Variants in SSH3 observed in about 807,000 individuals in gnomAD.
SSH3 encodes the protein slingshot protein phosphatase 3.
A neutral mutation model predicts 75.0 loss-of-function variants in SSH3; 67 were observed. That is an observed-to-expected ratio of 0.89 (90% CI 0.73 to 1.10). SSH3 has a LOEUF of 1.10. Ranked by LOEUF, SSH3 falls within the 50% of genes least tolerant of loss-of-function variation. The pLI is 0.00. For synonymous variants in SSH3, 318 were observed against 349.2 expected (o/e 0.91, Z 1.00); for missense variants, 824 against 872.7 (o/e 0.94, Z 0.70).
At position 67,308,340 on chromosome 11, in the gene SSH3, G is replaced by T. The variant is rs751781175; in HGVS notation, c.1014+38G>T. 6.2e-7 allele frequency: 1 copy of T among 1,613,600 alleles called. No homozygotes were observed. The highest frequency in any genetic ancestry group is 8.5e-7 in the Non-Finnish European group (1 of 1,179,562). ...CAGGCCTGGGCCATGGGGACCGCTG[G>T]CAGCTGTGAGGGCGGCAGGCCAGGA... is the stretch of plus-strand genomic sequence containing the variant. On this transcript the variant is annotated intron_variant, in intron 9 of 13. Transcript: ENST00000308127. The surrounding 1 kb of genome is among the most constrained non-coding windows in gnomAD (Gnocchi z 4.9).
In SSH3 at chr11:67,307,585, A is replaced by G. The variant is rs757183733; in HGVS notation, c.639A>G (p.Ala213=). 2.5e-6 allele frequency: 4 copies of G among 1,612,636 alleles called. No individual in the cohort carries two copies. In the East Asian group the frequency reaches 6.7e-5, roughly 27 times the overall value. Residue 213 remains alanine, a synonymous_variant, in exon 7 of 14, where the codon GCA becomes GCG. Coordinates refer to ENST00000308127, the MANE Select transcript of SSH3 (RefSeq NM_017857.4). This position sits in a 1 kb window ranked among gnomAD's most constrained non-coding sequence, Gnocchi z 4.2. The part of the protein sequence containing the change: ...TLQVLHQACE[A]ALGSGLVPGG... ...AGGTATTGCACCAAGCATGTGAGGC[A>G]GCTCTAGGCAGCGGCCTTGTACCGG...
Position 67,308,652 on chromosome 11 carries a change from G to A in SSH3, c.1061+194G>A, listed in dbSNP as rs981547353. Among the ~76,000 whole-genome samples, 1 of 151,862 alleles carries A rather than the reference G, an allele frequency of 6.6e-6. No homozygotes were observed. Among genetic ancestry groups the A allele is most frequent in the Non-Finnish European group, 1.5e-5 (1 of 67,954 alleles). Reference sequence around the variant, plus strand: ...ACAGGAGACCTGCTGGCCAGCCCCCGCCCACTCTCCTCCCCCATCCACACT... The same window carrying A: ...ACAGGAGACCTGCTGGCCAGCCCCCACCCACTCTCCTCCCCCATCCACACT... On this transcript the variant is annotated intron_variant, in intron 10 of 13. Transcript: ENST00000308127. The surrounding 1 kb of genome is among the most constrained non-coding windows in gnomAD (Gnocchi z 4.9).
chr11:67,310,389 G>C, intron 13 of SSH3, 50 bp downstream of exon 13: 1 of 1,555,592 alleles, frequency 6.4e-7, no homozygotes, highest in Non-Finnish European at 8.7e-7. Context: ...GGGCCATAAG[G>C]AGGGAGATGG....
chr11:67,307,070 T>A lies in SSH3; in HGVS notation c.493T>A (p.Leu165Met). 6.2e-7 allele frequency: 1 copy of A among 1,614,088 alleles called. No homozygotes were observed. Among genetic ancestry groups the A allele is most frequent in the Non-Finnish European group, 8.5e-7 (1 of 1,180,004 alleles). Residue 165 changes from leucine (L) to methionine (M), a missense_variant, in exon 5 of 14, where the codon TTG becomes ATG. Leu to Met is a conservative substitution (Grantham distance 15). Transcript: ENST00000308127. This position sits in a 1 kb window ranked among gnomAD's most constrained non-coding sequence, Gnocchi z 4.2. ...CCCCAGCTGCACCCTGGGCCTGGTC[T>A]TGCCCCTCTGGAGTGACACCCAGGT... ...SSPSCTLGLV[L>M]PLWSDTQVYL... is the part of the protein sequence containing the mutation.
Position 67,311,821 on chromosome 11 carries a change from G to A in SSH3, c.1914G>A (p.Thr638=), listed in dbSNP as rs748747715. The A allele has an allele frequency of 1.6e-5, 26 of 1,613,078 alleles. No individual in the cohort carries two copies. The highest frequency in any genetic ancestry group is 2.7e-5 in the African/African-American group (2 of 74,904). Residue 638 remains threonine (T), a synonymous_variant, in exon 14 of 14, where the codon ACG becomes ACA. Coordinates refer to ENST00000308127, the MANE Select transcript of SSH3 (RefSeq NM_017857.4). ...AGGGAGAGCCCTGCATTTCCTCTACGCCCAGGTTCCGGAAGGTGGTGAGAC... is the reference window on the plus strand; with the variant it reads ...AGGGAGAGCCCTGCATTTCCTCTACACCCAGGTTCCGGAAGGTGGTGAGAC... ...QGQGEPCISS[T]PRFRKVVRQA...
chr11:67,310,498 G>T (rs1013259685), intron 13 of SSH3, among the ~76,000 whole-genome samples, 159 bp downstream of exon 13: 2 of 152,334 alleles, frequency 1.3e-5, no homozygotes, highest in East Asian at 1.9e-4. Flanking sequence ...GACCCAGGGG[G>T]CCTGGTCCCA....
intron 3 of SSH3, 99 bp from the exon 4 acceptor site, chr11:67,306,739 G>C: frequency 7.4e-7 from 1 of 1,352,650 alleles, no homozygotes; most frequent in South Asian, 1.5e-5. Context: ...GGATGGGAGA[G>C]GAAGGAGCAG....
chr11:67,309,437 T>C lies in SSH3; in HGVS notation c.1102T>C (p.Phe368Leu). 2 of 1,614,134 alleles carry C rather than the reference T, an allele frequency of 1.2e-6. No homozygotes were observed. The highest frequency in any genetic ancestry group is 1.7e-6 in the Non-Finnish European group (2 of 1,180,008). ...ILNMAREIDN[F>L]YPERFTYHNV... ...GAACATGGCCCGGGAGATTGACAAC[T>C]TCTACCCTGAGCGCTTCACCTACCA... Residue 368 changes from phenylalanine to leucine, a missense_variant, in exon 11 of 14, where the codon TTC (phenylalanine) becomes CTC (leucine). Phe to Leu is a conservative substitution (Grantham distance 22). Coordinates refer to ENST00000308127, the MANE Select transcript of SSH3 (RefSeq NM_017857.4).
intron 10 of SSH3, 126 bp from the exon 11 acceptor site, chr11:67,309,271 G>A: frequency 8.1e-7 from 1 of 1,227,236 alleles, no homozygotes; most frequent in Admixed American, 2.1e-5. Flanking sequence ...TCCTCCCACT[G>A]TCACTGCTGC....
chr11:67,309,675 CAGTT>C (rs768923683), intron 11 of SSH3, 89 bp from the exon 12 acceptor site: 59 of 1,583,826 alleles, frequency 3.7e-5, no homozygotes, highest in African/African-American at 2.5e-4. Context: ...TCTCTACTCT[CAGTT>C]GGTTGTGAGC....
Position 67,307,047 on chromosome 11 carries a change from C to A in SSH3, c.470C>A (p.Pro157His), listed in dbSNP as rs745967318. 6.2e-7 allele frequency: 1 copy of A among 1,614,032 alleles called. No homozygotes were observed. Among genetic ancestry groups the A allele is most frequent in the African/African-American group, 1.3e-5 (1 of 75,012 alleles). Residue 157 changes from proline (P) to histidine (H), a missense_variant, in exon 5 of 14, where the codon CCC becomes CAC. Coordinates refer to ENST00000308127, the MANE Select transcript of SSH3 (RefSeq NM_017857.4). This position sits in a 1 kb window ranked among gnomAD's most constrained non-coding sequence, Gnocchi z 4.2. ...LGVDFPDSSS[P>H]SCTLGLVLPL... ...TTCCCTCTGTCCCCTGCCAGCTCCC[C>A]CAGCTGCACCCTGGGCCTGGTCTTG...
rs778087544 is a variant in SSH3 at position 67,306,929 on chromosome 11, C to T, written c.431C>T (p.Thr144Met). ...GGAGAAGGTCTGAGCCAGGATGAGA[C>T]GGTCCTCCTGGGCGTGGATTTCCCT... ...REGEGLSQDE[T>M]VLLGVDFPDS... is the part of the protein sequence containing the mutation. Residue 144 changes from threonine (T) to methionine (M), a missense_variant, in exon 4 of 14, where the codon ACG (threonine) becomes ATG (methionine). Coordinates refer to ENST00000308127, the MANE Select transcript of SSH3 (RefSeq NM_017857.4). The T allele has an allele frequency of 2.4e-5, 38 of 1,613,456 alleles. No homozygotes were observed. The highest frequency in any genetic ancestry group is 2.3e-5 in the Non-Finnish European group (27 of 1,179,540).
chr11:67,305,194 GT>G lies in SSH3; in HGVS notation c.339+197del, dbSNP rs1235315912. Among the ~76,000 whole-genome samples, 21 of 149,238 alleles carry G rather than the reference GT, an allele frequency of 1.4e-4. No individual in the cohort carries two copies. In the East Asian group the frequency reaches 3.9e-3, roughly 28 times the overall value. On this transcript the variant is annotated intron_variant, in intron 3 of 13. Transcript: ENST00000308127. ...GGCAGAGATGTTTTGTTTTTTGTTTGTTTTTTTTTTGAGATGGAGTCTCGCT... is the reference window on the plus strand; with the variant it reads ...GGCAGAGATGTTTTGTTTTTTGTTTGTTTTTTTTTGAGATGGAGTCTCGCT...
Position 67,304,761 on chromosome 11 carries a change from C to T in SSH3, c.105-12C>T, listed in dbSNP as rs1294792428. 1 of 1,588,086 alleles carries T rather than the reference C, an allele frequency of 6.3e-7. No individual in the cohort carries two copies. The highest frequency in any genetic ancestry group is 8.6e-7 in the Non-Finnish European group (1 of 1,167,902). ...AATGAGGAGCCATGACAGTTGCCCA[C>T]TGCCCTGCCAGGCAGAGCTTTGCGG... On this transcript the variant is annotated splice_polypyrimidine_tract_variant and intron_variant, in intron 2 of 13. Transcript: ENST00000308127.
In SSH3 at chr11:67,306,830, C is replaced by T. The variant is rs760608191; in HGVS notation, c.340-8C>T. ...CACTGTGACCCTGGGTTCCTCATCT[C>T]CCCCCAGGCAGCCCAGCTGGAGGCA... is the stretch of plus-strand genomic sequence containing the variant. On this transcript the variant is annotated splice_polypyrimidine_tract_variant and splice_region_variant and intron_variant, in intron 3 of 13. Transcript: ENST00000308127. 5.0e-6 allele frequency: 8 copies of T among 1,605,718 alleles called. No homozygotes were observed. The East Asian group carries it at 6.7e-5, about 13-fold the overall frequency.
Position 67,308,717 on chromosome 11 carries a change from A to G in SSH3, c.1061+259A>G, listed in dbSNP as rs939777683. On this transcript the variant is annotated intron_variant, in intron 10 of 13. Coordinates refer to ENST00000308127, the MANE Select transcript of SSH3 (RefSeq NM_017857.4). The surrounding 1 kb of genome is among the most constrained non-coding windows in gnomAD (Gnocchi z 4.9). The stretch of plus-strand genomic sequence containing the variant: ...GAAACAAAGGGCCTCAGCCACGCCA[A>G]GACGAGAAGCAGCAGCGCATACTGC... Among the ~76,000 whole-genome samples the G allele has an allele frequency of 6.6e-6, 1 of 151,978 alleles. No homozygotes were observed. The highest frequency in any genetic ancestry group is 1.5e-5 in the Non-Finnish European group (1 of 67,996).
chr11:67,303,642 T>C lies in SSH3; in HGVS notation c.17T>C (p.Val6Ala). The C allele has an allele frequency of 6.6e-7, 1 of 1,514,988 alleles. No homozygotes were observed. The allele number at this position is 1,514,988 out of a possible 1,614,324, so 93.8% of individuals were successfully genotyped here. MALVT[V>A]SRSPPGSGAS... is the part of the protein sequence containing the mutation. Reference sequence around the variant, plus strand: ...CCTGGCTCCATGGCCCTGGTCACAGTGAGCCGTTCGCCCCCGGGCAGCGGC... The same window carrying C: ...CCTGGCTCCATGGCCCTGGTCACAGCGAGCCGTTCGCCCCCGGGCAGCGGC... Residue 6 changes from valine (V) to alanine (A), a missense_variant, in exon 1 of 14, where the codon GTG (valine) becomes GCG (alanine). Val to Ala is a moderately conservative substitution (Grantham distance 64). Coordinates refer to ENST00000308127, the MANE Select transcript of SSH3 (RefSeq NM_017857.4).
At position 67,309,835 on chromosome 11, in the gene SSH3, G is replaced by C. The variant is rs1421395543; in HGVS notation, c.1276G>C (p.Ala426Pro). 2 of 1,613,308 alleles carry C rather than the reference G, an allele frequency of 1.2e-6. No individual in the cohort carries two copies. The highest frequency in any genetic ancestry group is 1.7e-6 in the Non-Finnish European group (2 of 1,180,056). The change falls in exon 12 of 14, where the codon GCC (alanine) becomes CCC (proline). Residue 426 changes from alanine to proline, a missense_variant. Transcript: ENST00000308127. Reference sequence around the variant, plus strand: ...CAGCCGCTCAGCGGCCACAGTGCTGGCCTATGCCATGAAGCAGTACGAATG... The same window carrying C: ...CAGCCGCTCAGCGGCCACAGTGCTGCCCTATGCCATGAAGCAGTACGAATG... Reference protein sequence around the residue: ...GVSRSAATVLAYAMKQYECSL... With the variant: ...GVSRSAATVLPYAMKQYECSL...
chr11:67,304,151 C>A lies in SSH3; in HGVS notation c.100C>A (p.Arg34=). 2 of 1,598,532 alleles carry A rather than the reference C, an allele frequency of 1.3e-6. No homozygotes were observed. Among genetic ancestry groups the A allele is most frequent in the Non-Finnish European group, 1.7e-6 (2 of 1,175,736 alleles). Residue 34 remains arginine, a synonymous_variant, in exon 2 of 14, where the codon CGA becomes AGA. Transcript: ENST00000308127. ...GGTCCAGCGAAGGAGTCGACTCCAGCGAAGGTGAGCGCCACCTCCCCCACG... is the reference window on the plus strand; with the variant it reads ...GGTCCAGCGAAGGAGTCGACTCCAGAGAAGGTGAGCGCCACCTCCCCCACG... The part of the protein sequence containing the change: ...QAVQRRSRLQ[R]RQSFAVLRGA...
Sources: allele counts gnomAD v4.1 joint callset (sites outside exome capture counted in the v4.1 genomes callset), GRCh38; gene constraint gnomAD v4.1.1; non-coding constraint Gnocchi (gnomAD v3.1); transcripts MANE v1.5; gene names NCBI Gene and HGNC (gene_info 2026-07-23, HGNC 2026-07-21).